Variants in MAGI2 observed in about 807,000 individuals in gnomAD.
MAGI2 encodes the protein membrane-associated guanylate kinase, WW and PDZ domain-containing protein 2.
MAGI2 carries 35 observed loss-of-function variants against 133.3 expected under a neutral mutation model. That is an observed-to-expected ratio of 0.26 (90% CI 0.20 to 0.35). The LOEUF is 0.35. Ranked by LOEUF, MAGI2 falls within the 10% of genes least tolerant of loss-of-function variation. MAGI2 has a pLI of 1.00. For synonymous variants in MAGI2, 729 were observed against 710.6 expected (o/e 1.03, Z -0.41); for missense variants, 1,636 against 1,863.4 (o/e 0.88, Z 2.25).
chr7:78,222,888 GTGAAAAGTGTAA>G (rs147873625), intron 10 of MAGI2, among the ~76,000 whole-genome samples: 2,209 of 152,270 alleles, frequency 0.015, 57 homozygotes, highest in African/African-American at 0.05. Context: ...TTAACACTGA[GTGAAAAGTGTAA>G]TGAAAAGCAA....
Position 78,178,152 on chromosome 7 carries a change from C to A in MAGI2, c.2312-50G>T, listed in dbSNP as rs769710039. 5 of 1,181,540 alleles carry A rather than the reference C, an allele frequency of 4.2e-6. No homozygotes were observed. The South Asian group carries it at 6.1e-5, about 14-fold the overall frequency. 73.2% of individuals were successfully genotyped at this position (1,181,540 alleles called of 1,614,324 possible). On this transcript the variant is annotated intron_variant, in intron 13 of 21. Transcript: ENST00000354212. ...GTAATGAATCCTGCCTCTTTCCCAG[C>A]CCCTGAGGAACTGAACATACCAATG... is the stretch of plus-strand genomic sequence containing the variant.
At chr7:79,377,486 T>G (rs2129139595) in intron 1 of MAGI2, among the ~76,000 whole-genome samples, 1 of 151,976 alleles carries the variant, frequency 6.6e-6, no homozygotes, top group Non-Finnish European at 1.5e-5. Flanking sequence ...ATAATGATAC[T>G]TCTGAATACT....
intron 3 of MAGI2, among the ~76,000 whole-genome samples, chr7:78,559,885 C>G (rs959470903): frequency 2.6e-5 from 4 of 152,008 alleles, no homozygotes; most frequent in South Asian, 2.1e-4. Flanking sequence ...CACTGTCACA[C>G]CTGGGCAACT....
At chr7:79,181,845 T>C (rs1826649510) in intron 1 of MAGI2, among the ~76,000 whole-genome samples, 1 of 152,006 alleles carries the variant, frequency 6.6e-6, no homozygotes, top group Admixed American at 6.6e-5. Context: ...ATATCCTAAA[T>C]CATCTCTCTC....
intron 2 of MAGI2, among the ~76,000 whole-genome samples, chr7:78,915,716 T>C (rs962228461): frequency 2.0e-5 from 3 of 151,880 alleles, no homozygotes; most frequent in African/African-American, 7.3e-5. Context: ...GGTTTCATCT[T>C]TTTTTTTCTT....
At chr7:78,981,693 C>T (rs1008507310) in intron 2 of MAGI2, among the ~76,000 whole-genome samples, 1 of 151,660 alleles carries the variant, frequency 6.6e-6, no homozygotes, top group African/African-American at 2.4e-5. Flanking sequence ...TTCTTTTTCC[C>T]ATGTGGGAGC....
At chr7:79,259,094 G>A (rs1004701497) in intron 1 of MAGI2, among the ~76,000 whole-genome samples, 6 of 152,164 alleles carry the variant, frequency 3.9e-5, no homozygotes, top group Non-Finnish European at 8.8e-5. Context: ...TCACCAGATA[G>A]GGACCACAGA....
intron 2 of MAGI2, chr7:79,006,878 T>A: frequency 2.4e-6 from 1 of 421,012 alleles, no homozygotes; most frequent in Non-Finnish European, 4.2e-6. Context: ...AGCTTGAAAA[T>A]CACAAGTTTC....
intron 1 of MAGI2, among the ~76,000 whole-genome samples, chr7:79,226,904 A>T (rs1830909650): frequency 6.6e-6 from 1 of 152,184 alleles, no homozygotes; most frequent in Admixed American, 6.5e-5. Context: ...GTAATTTGCA[A>T]GTGACTATTG....
chr7:78,559,715 C>T (rs914872577), intron 3 of MAGI2, among the ~76,000 whole-genome samples: 2 of 152,068 alleles, frequency 1.3e-5, no homozygotes, highest in Non-Finnish European at 2.9e-5. Context: ...TTTTCTGTGC[C>T]TCCATTTCTT....
At chr7:78,982,563 A>G (rs1004770484) in intron 2 of MAGI2, among the ~76,000 whole-genome samples, 1 of 151,898 alleles carries the variant, frequency 6.6e-6, no homozygotes. Context: ...AGAGAAATAA[A>G]TACTTAAACC....
At chr7:78,520,847 T>G (rs62468572) in intron 4 of MAGI2, among the ~76,000 whole-genome samples, 1 of 152,098 alleles carries the variant, frequency 6.6e-6, no homozygotes, top group African/African-American at 2.4e-5. Context: ...TGGCTTCACA[T>G]TGTTAATGTA....
At chr7:78,721,212 A>G (rs1189398594) in intron 2 of MAGI2, among the ~76,000 whole-genome samples, 1 of 152,016 alleles carries the variant, frequency 6.6e-6, no homozygotes, top group Non-Finnish European at 1.5e-5. Flanking sequence ...TCTCTAATAA[A>G]TGGAATTTTT....
chr7:78,170,476 C>A (rs1015792218), intron 14 of MAGI2: 1 of 152,174 alleles, frequency 6.6e-6, no homozygotes, highest in African/African-American at 2.4e-5. Context: ...AACAAATATT[C>A]ATTGAGCCCA....
chr7:79,256,040 C>T (rs1286565874), intron 1 of MAGI2, among the ~76,000 whole-genome samples: 1 of 152,208 alleles, frequency 6.6e-6, no homozygotes, highest in East Asian at 1.9e-4. Flanking sequence ...CTAGAAGGCA[C>T]ATTGTACAAT....
chr7:78,988,171 C>T (rs990237418), intron 2 of MAGI2, among the ~76,000 whole-genome samples: 1 of 152,012 alleles, frequency 6.6e-6, no homozygotes, highest in Non-Finnish European at 1.5e-5. Context: ...AGGAAGTTCA[C>T]CAACTCCCTA....
chr7:78,897,951 A>C (rs998701984), intron 2 of MAGI2, among the ~76,000 whole-genome samples: 6 of 152,244 alleles, frequency 3.9e-5, no homozygotes, highest in Non-Finnish European at 8.8e-5. Context: ...ATGTGAGCAA[A>C]GGTCTAATAT....
At chr7:78,438,345 A>C (rs528575186) in intron 6 of MAGI2, among the ~76,000 whole-genome samples, 1 of 152,126 alleles carries the variant, frequency 6.6e-6, no homozygotes, top group Admixed American at 6.5e-5. Flanking sequence ...ATGTGAATTC[A>C]CTTGTATTGG....
chr7:79,382,403 G>T (rs1283759563), intron 1 of MAGI2, among the ~76,000 whole-genome samples: 1 of 151,530 alleles, frequency 6.6e-6, no homozygotes, highest in Non-Finnish European at 1.5e-5. Context: ...ATCTCAGGAT[G>T]TAAATCTCAT....
Sources: allele counts gnomAD v4.1 joint callset (sites outside exome capture counted in the v4.1 genomes callset), GRCh38; gene constraint gnomAD v4.1.1; transcripts MANE v1.5; gene names NCBI Gene and HGNC (gene_info 2026-07-23, HGNC 2026-07-21).